RYR3: variants seen among roughly 807,000 people sequenced by gnomAD.
RYR3 encodes the protein brain ryanodine receptor-calcium release channel.
Under a neutral mutation model 584.3 loss-of-function variants are expected in RYR3, and 207 were observed. The observed-to-expected ratio is 0.35, with a 90% CI of 0.32 to 0.40. The LOEUF (loss-of-function observed/expected upper bound fraction) is 0.40. RYR3 is among the 10% of genes least tolerant of loss of function. RYR3 has a pLI of 1.00. For missense variants in RYR3, 5,616 were observed against 6,089.2 expected, an observed-to-expected ratio of 0.92 and a Z score of 2.59; for synonymous variants, 2,416 against 2,248.5, an observed-to-expected ratio of 1.07 and a Z score of -2.11.
intron 14 of RYR3, 51 bp from the exon 15 acceptor site, chr15:33,584,344 C>T: frequency 1.0e-6 from 1 of 965,624 alleles, no homozygotes; most frequent in Non-Finnish European, 1.6e-6. Flanking sequence ...AGTTCTCACG[C>T]CCATCATTAT....
intron 16 of RYR3, among the ~76,000 whole-genome samples, chr15:33,600,137 A>G (rs148748593): frequency 1.3e-5 from 2 of 152,340 alleles, no homozygotes; most frequent in East Asian, 1.9e-4. Flanking sequence ...AGTCCCCCAT[A>G]AAACTGCATT....
chr15:33,865,323 T>G lies in RYR3; in HGVS notation c.*97T>G, dbSNP rs751995605. On this transcript the variant is annotated 3_prime_UTR_variant, in exon 104 of 104. Coordinates refer to ENST00000634891, the MANE Select transcript of RYR3 (RefSeq NM_001036.6). ...CTGCAACATATCTGAAATGTGACAT[T>G]TTCTAAATGCCTCCCTTAAAAAAAA... 2.3e-5 allele frequency: 19 copies of G among 824,182 alleles called. No homozygotes were observed. The highest frequency in any genetic ancestry group is 3.6e-5 in the Non-Finnish European group (19 of 522,660). 51.1% of individuals were successfully genotyped at this position (824,182 alleles called of 1,614,324 possible).
rs139096030 is a variant in RYR3, at chr15:33,322,036, C to A, written c.51+10940C>A. Among the ~76,000 whole-genome samples the A allele has an allele frequency of 5.8e-4, 88 of 152,248 alleles. No homozygotes were observed. The East Asian group carries it at 0.016, about 28-fold the overall frequency. On this transcript the variant is annotated intron_variant, in intron 1 of 103. Coordinates refer to ENST00000634891, the MANE Select transcript of RYR3 (RefSeq NM_001036.6). ...CTTCTCCCCAACGTTTAACTATGCCCAGCACTTGAGACTGCCCTCAGAAAG... is the reference window on the plus strand; with the variant it reads ...CTTCTCCCCAACGTTTAACTATGCCAAGCACTTGAGACTGCCCTCAGAAAG...
chr15:33,574,412 C>A (rs970981780), intron 12 of RYR3, among the ~76,000 whole-genome samples: 11 of 152,186 alleles, frequency 7.2e-5, no homozygotes, highest in Admixed American at 1.3e-4. Flanking sequence ...TACTGCCGAG[C>A]CTTCATCTCA....
intron 38 of RYR3, among the ~76,000 whole-genome samples, chr15:33,683,573 G>C (rs1027398716): frequency 2.0e-5 from 3 of 152,200 alleles, no homozygotes; most frequent in Non-Finnish European, 2.9e-5. Context: ...GATTGACACA[G>C]AAGACGGGTG....
At chr15:33,473,282 T>C in intron 1 of RYR3, 137 bp from the exon 2 acceptor site, 1 of 975,636 alleles carries the variant, frequency 1.0e-6, no homozygotes, top group Non-Finnish European at 1.6e-6. Context: ...CCTTCCGTAA[T>C]CAGGTTTAAA....
At chr15:33,635,476 C>A in intron 25 of RYR3, 138 bp from the exon 26 acceptor site, 1 of 659,034 alleles carries the variant, frequency 1.5e-6, no homozygotes, top group Non-Finnish European at 2.7e-6. Flanking sequence ...AACAGAATGC[C>A]ATATTGGATA....
intron 19 of RYR3, among the ~76,000 whole-genome samples, chr15:33,621,365 T>G (rs1302125395): frequency 6.6e-6 from 1 of 152,218 alleles, no homozygotes; most frequent in African/African-American, 2.4e-5. Context: ...CCCACACTAA[T>G]TCTTTGCCCA....
chr15:33,798,696 G>C (rs1483702270), intron 67 of RYR3, among the ~76,000 whole-genome samples: 1 of 152,180 alleles, frequency 6.6e-6, no homozygotes, highest in Non-Finnish European at 1.5e-5. Context: ...GAACAAAATG[G>C]GGTTTGTTAC....
chr15:33,839,000 A>C, intron 89 of RYR3, 42 bp downstream of exon 89: 1 of 1,568,594 alleles, frequency 6.4e-7, no homozygotes, highest in South Asian at 1.2e-5. Flanking sequence ...TATCCCCAGA[A>C]TAAGACTTGC....
At chr15:33,444,555 A>C (rs1260092474) in intron 1 of RYR3, among the ~76,000 whole-genome samples, 2 of 152,180 alleles carry the variant, frequency 1.3e-5, no homozygotes, top group Non-Finnish European at 2.9e-5. Context: ...ACTAGTAGAG[A>C]AGAGACAAGT....
intron 3 of RYR3, among the ~76,000 whole-genome samples, chr15:33,517,602 C>T (rs2053626689): frequency 6.6e-6 from 1 of 152,198 alleles, no homozygotes; most frequent in Admixed American, 6.5e-5. Flanking sequence ...GCATGTTAAC[C>T]TCTGCAGCAT....
intron 76 of RYR3, 75 bp downstream of exon 76, chr15:33,818,759 G>C (rs2076954392): frequency 9.6e-7 from 1 of 1,045,006 alleles, no homozygotes; most frequent in Non-Finnish European, 1.4e-6. Flanking sequence ...TCTTCTCTCA[G>C]ACGGCAGTGG....
intron 69 of RYR3, among the ~76,000 whole-genome samples, chr15:33,805,127 T>C (rs1348535882): frequency 6.6e-6 from 1 of 152,220 alleles, no homozygotes; most frequent in East Asian, 1.9e-4. Flanking sequence ...GCTGAGCAAG[T>C]GTTTTTTGTT....
At chr15:33,422,595 A>AG (rs756288921) in intron 1 of RYR3, among the ~76,000 whole-genome samples, 2 of 152,214 alleles carry the variant, frequency 1.3e-5, no homozygotes, top group Admixed American at 6.5e-5. Context: ...GAGTTGGGGT[A>AG]GGGGTGGTAT....
In RYR3 at chr15:33,854,259, CAACTTGATA is replaced by C; in HGVS notation, c.13800-127_13800-119del. ...TCTCTTGTCTCATGGGGAGCACATA[CAACTTGATA>C]AAGCTGAGAGCCATATTTAGGTTAT... is the stretch of plus-strand genomic sequence containing the variant. On this transcript the variant is annotated intron_variant, in intron 96 of 103. Transcript: ENST00000634891. The C allele has an allele frequency of 4.3e-6, 3 of 695,934 alleles. No individual in the cohort carries two copies. The South Asian group carries it at 5.3e-5, about 12-fold the overall frequency. The allele number at this position is 695,934 out of a possible 1,614,324, so 43.1% of individuals were successfully genotyped here.
chr15:33,517,460 C>T (rs1189569469), intron 3 of RYR3, among the ~76,000 whole-genome samples: 1 of 152,266 alleles, frequency 6.6e-6, no homozygotes, highest in East Asian at 1.9e-4. Flanking sequence ...GACCATTTCA[C>T]ACAACATGTC....
intron 1 of RYR3, among the ~76,000 whole-genome samples, chr15:33,359,854 C>T (rs1370885824): frequency 2.6e-5 from 4 of 151,926 alleles, no homozygotes; most frequent in African/African-American, 9.7e-5. Flanking sequence ...ATCTCCTGAC[C>T]TCGTGATCCG....
chr15:33,700,962 C>G lies in RYR3; in HGVS notation c.6380-15C>G, dbSNP rs41279208. The G allele has an allele frequency of 7.7e-3, 12,361 of 1,595,184 alleles. 72 individuals are homozygous for G. The highest frequency in any genetic ancestry group is 9.9e-3 in the Non-Finnish European group (11,515 of 1,165,298). ...CCTCTGTCCTTTTCTTGCTAATTCT[C>G]CCCTCCTCCCTCAGCCTCCCCGTCG... On this transcript the variant is annotated splice_polypyrimidine_tract_variant and intron_variant, in intron 41 of 103. Coordinates refer to ENST00000634891, the MANE Select transcript of RYR3 (RefSeq NM_001036.6).
Sources: allele counts gnomAD v4.1 joint callset (sites outside exome capture counted in the v4.1 genomes callset), GRCh38; gene constraint gnomAD v4.1.1; transcripts MANE v1.5; gene names NCBI Gene and HGNC (gene_info 2026-07-23, HGNC 2026-07-21).